Variants in SLC39A11 observed in about 807,000 individuals in gnomAD.
SLC39A11 encodes zinc transporter ZIP11.
In SLC39A11, 33 loss-of-function variants were observed where a neutral mutation model predicts 36.1. The ratio of observed to expected loss-of-function variants is 0.91; its 90% confidence interval spans 0.69 to 1.22. The LOEUF is 1.22. SLC39A11 is among the 50% of genes most tolerant of loss of function. The probability of loss-of-function intolerance (pLI) is 0.00; values close to 1 mark genes in which losing one functional copy is unlikely to be tolerated. For synonymous variants in SLC39A11, 166 were observed against 170.3 expected (o/e 0.97, Z 0.20); for missense variants, 432 against 430.3 (o/e 1.00, Z -0.03).
At chr17:72,881,124 T>G (rs2081179382) in intron 5 of SLC39A11, among the ~76,000 whole-genome samples, 1 of 151,960 alleles carries the variant, frequency 6.6e-6, no homozygotes, top group Non-Finnish European at 1.5e-5. Context: ...AGTTAAAACA[T>G]ACACCTACCA....
intron 5 of SLC39A11, among the ~76,000 whole-genome samples, chr17:72,853,024 T>C (rs1490589860): frequency 2.0e-5 from 3 of 152,020 alleles, no homozygotes; most frequent in Admixed American, 1.3e-4. Context: ...GATTGATTGA[T>C]TGATTGATTA....
At position 72,896,361 on chromosome 17, in the gene SLC39A11, C is replaced by T. The variant is rs143250032; in HGVS notation, c.431-46557G>A. The stretch of plus-strand genomic sequence containing the variant: ...GGATTACAGATGCCTGCCACCACAC[C>T]CGGCTAATTTTTCTATTTTTAGTAG... On this transcript the variant is annotated intron_variant, in intron 5 of 9. Transcript: ENST00000255559. Among the ~76,000 whole-genome samples, 1,043 of 151,884 alleles carry T rather than the reference C, an allele frequency of 6.9e-3. 11 individuals are homozygous for T. The highest frequency in any genetic ancestry group is 0.024 in the African/African-American group (1,006 of 41,420).
At chr17:72,878,413 C>T (rs1412496908) in intron 5 of SLC39A11, among the ~76,000 whole-genome samples, 3 of 152,196 alleles carry the variant, frequency 2.0e-5, no homozygotes, top group Non-Finnish European at 4.4e-5. Flanking sequence ...TCCCCAGCCC[C>T]AGGGGCCTTC....
chr17:73,058,628 C>A (rs2059745001), intron 3 of SLC39A11, among the ~76,000 whole-genome samples: 1 of 152,128 alleles, frequency 6.6e-6, no homozygotes, highest in African/African-American at 2.4e-5. Flanking sequence ...GAGAAAGAGG[C>A]AAGAGAATTG....
At chr17:72,971,900 C>G (rs184640732) in intron 4 of SLC39A11, among the ~76,000 whole-genome samples, 342 of 152,336 alleles carry the variant, frequency 2.2e-3, no homozygotes, top group South Asian at 3.9e-3. Flanking sequence ...GGTTTGCAGA[C>G]TCAAGTTCTG....
intron 4 of SLC39A11, among the ~76,000 whole-genome samples, chr17:73,004,158 G>A (rs375517737): frequency 0.016 from 1,165 of 74,570 alleles, 16 homozygotes; most frequent in African/African-American, 0.022. Context: ...AAAGAAAGAA[G>A]GAAAAAAAGA....
At chr17:73,042,805 A>G (rs1264434387) in intron 3 of SLC39A11, among the ~76,000 whole-genome samples, 2 of 152,204 alleles carry the variant, frequency 1.3e-5, no homozygotes, top group African/African-American at 4.8e-5. Flanking sequence ...TCCGTCTCAA[A>G]ATGAATAATA....
chr17:72,982,806 T>C (rs1327660817), intron 4 of SLC39A11, among the ~76,000 whole-genome samples: 3 of 151,940 alleles, frequency 2.0e-5, no homozygotes, highest in African/African-American at 7.2e-5. Context: ...TAACATTTGA[T>C]GAAATCAAAT....
chr17:72,787,642 ACT>A (rs2076567292), intron 6 of SLC39A11, among the ~76,000 whole-genome samples: 1 of 152,110 alleles, frequency 6.6e-6, no homozygotes, highest in Non-Finnish European at 1.5e-5. Flanking sequence ...TTTCTTTCTA[ACT>A]ATTCAGTCTA....
intron 4 of SLC39A11, among the ~76,000 whole-genome samples, chr17:73,007,238 T>C (rs1377281372): frequency 6.6e-6 from 1 of 152,108 alleles, no homozygotes; most frequent in Non-Finnish European, 1.5e-5. Context: ...CCTGTCAACA[T>C]GGTGAAATCC....
At chr17:72,972,332 A>C (rs922839156) in intron 4 of SLC39A11, among the ~76,000 whole-genome samples, 100 of 152,184 alleles carry the variant, frequency 6.6e-4, no homozygotes, top group African/African-American at 2.4e-3. Context: ...AGGGCATTGC[A>C]ATACACATCA....
At chr17:72,859,418 T>C (rs558731572) in intron 5 of SLC39A11, among the ~76,000 whole-genome samples, 1 of 152,282 alleles carries the variant, frequency 6.6e-6, no homozygotes, top group South Asian at 2.1e-4. Flanking sequence ...AGTTCAAATG[T>C]AGCAAGGTAA....
chr17:72,755,836 C>T (rs887511354), intron 6 of SLC39A11, among the ~76,000 whole-genome samples: 3 of 152,176 alleles, frequency 2.0e-5, no homozygotes, highest in African/African-American at 7.2e-5. Context: ...TCTGCTCTCC[C>T]CACTGGTAGA....
chr17:73,055,974 A>T (rs1478678846), intron 3 of SLC39A11, among the ~76,000 whole-genome samples: 1 of 152,178 alleles, frequency 6.6e-6, no homozygotes, highest in Admixed American at 6.5e-5. Context: ...AATAAAGGTC[A>T]ATTAAGATCT....
intron 6 of SLC39A11, among the ~76,000 whole-genome samples, chr17:72,778,746 A>G (rs2076213369): frequency 6.6e-6 from 1 of 152,200 alleles, no homozygotes; most frequent in East Asian, 1.9e-4. Flanking sequence ...CTGCTTTGCT[A>G]TCTCTTAGTT....
intron 4 of SLC39A11, among the ~76,000 whole-genome samples, chr17:72,985,829 T>A (rs1299311982): frequency 1.3e-5 from 2 of 152,234 alleles, no homozygotes; most frequent in Non-Finnish European, 2.9e-5. Context: ...AAATGTGACC[T>A]TTTTTGCAAA....
At chr17:72,818,788 G>A (rs1315462200) in intron 6 of SLC39A11, 2 of 152,066 alleles carry the variant, frequency 1.3e-5, no homozygotes, top group African/African-American at 2.4e-5. Context: ...ACTCATCTGA[G>A]CAATTAATTA....
chr17:73,005,072 C>G (rs1004572216), intron 4 of SLC39A11, among the ~76,000 whole-genome samples: 11 of 152,240 alleles, frequency 7.2e-5, no homozygotes, highest in African/African-American at 2.4e-4. Flanking sequence ...CTCAGCTCAA[C>G]TGCAACCTCC....
chr17:72,804,173 T>A (rs961460791), intron 6 of SLC39A11, among the ~76,000 whole-genome samples: 9 of 152,280 alleles, frequency 5.9e-5, no homozygotes, highest in Middle Eastern at 3.4e-3. Context: ...TTTTTTTGTA[T>A]TTTTAGTAGA....
Sources: gnomAD v4.1 joint callset for allele counts (sites outside exome capture counted in the v4.1 genomes callset) on GRCh38, gnomAD v4.1.1 for gene constraint, MANE v1.5 for transcripts, NCBI Gene and HGNC (gene_info 2026-07-23, HGNC 2026-07-21) for gene names.